The following TUNAR variants were observed in gnomAD, a reference collection of about 807,000 sequenced individuals.
The protein encoded by TUNAR is protein TUNAR.
intron 2 of TUNAR, among the ~76,000 whole-genome samples, chr14:95,881,695 C>T (rs1351934334): frequency 6.6e-6 from 1 of 152,160 alleles, no homozygotes; most frequent in Non-Finnish European, 1.5e-5. Flanking sequence ...GGACGGCCTT[C>T]GGAAGGTCAC....
chr14:95,901,929 G>A (rs573818467), intron 2 of TUNAR, among the ~76,000 whole-genome samples: 106 of 152,294 alleles, frequency 7.0e-4, no homozygotes, highest in African/African-American at 2.5e-3. Context: ...ATGCTGTGAT[G>A]GAGCCAGCCA....
At chr14:95,924,918 T>C (rs1209516325) in exon 3 of TUNAR, 1 of 152,264 alleles carries the variant, frequency 6.6e-6, no homozygotes, top group African/African-American at 2.4e-5. Context: ...TCACCCATGC[T>C]ATAGTGTCTG....
In TUNAR at chr14:95,886,501, G is replaced by A. The variant is rs114206100; in HGVS notation, c.12+9324G>A. Among the ~76,000 whole-genome samples the A allele has an allele frequency of 4.6e-3, 705 of 152,356 alleles. 8 individuals carry two copies. The highest frequency in any genetic ancestry group is 0.016 in the African/African-American group (685 of 41,586). On this transcript the variant is annotated intron_variant, in intron 2 of 2. Coordinates refer to ENST00000678517, the Ensembl canonical transcript of TUNAR. ...GTGGGCAAATTCTTAGCTGTTTTCTGTGGAGTCTGGGCCTGGCAGAGAGCC... is the reference window on the plus strand; with the variant it reads ...GTGGGCAAATTCTTAGCTGTTTTCTATGGAGTCTGGGCCTGGCAGAGAGCC...
At chr14:95,907,631 AG>A (rs1214406120) in intron 2 of TUNAR, among the ~76,000 whole-genome samples, 4 of 152,184 alleles carry the variant, frequency 2.6e-5, no homozygotes, top group African/African-American at 4.8e-5. Flanking sequence ...GTGTTACAAC[AG>A]CTCAGAGGAG....
chr14:95,898,427 A>C (rs553349410), intron 2 of TUNAR, among the ~76,000 whole-genome samples: 81 of 152,334 alleles, frequency 5.3e-4, no homozygotes, highest in Non-Finnish European at 1.1e-3. Flanking sequence ...CACGTCCTTC[A>C]GCTCTGGGAG....
At chr14:95,911,032 A>G (rs1244338800) in intron 2 of TUNAR, among the ~76,000 whole-genome samples, 2 of 152,234 alleles carry the variant, frequency 1.3e-5, no homozygotes, top group Non-Finnish European at 1.5e-5. Flanking sequence ...TACATAGTGT[A>G]TATGTGTGAT....
intron 2 of TUNAR, among the ~76,000 whole-genome samples, chr14:95,911,689 A>G (rs1390108393): frequency 6.6e-6 from 1 of 152,228 alleles, no homozygotes; most frequent in Admixed American, 6.5e-5. Context: ...ACTCAGAATT[A>G]CAGTTGAGCC....
chr14:95,922,783 T>C (rs923182099), exon 3 of TUNAR: 7 of 398,918 alleles, frequency 1.8e-5, no homozygotes, highest in Non-Finnish European at 3.1e-5. Flanking sequence ...AATTACAGGT[T>C]AGCCTGGCAA....
intron 2 of TUNAR, among the ~76,000 whole-genome samples, chr14:95,922,246 A>AC (rs1889709669): frequency 6.6e-6 from 1 of 152,016 alleles, no homozygotes; most frequent in Non-Finnish European, 1.5e-5. Context: ...CCGTGCATAG[A>AC]CCCTTTACCA....
At chr14:95,911,146 G>A (rs1000791540) in intron 2 of TUNAR, among the ~76,000 whole-genome samples, 6 of 152,128 alleles carry the variant, frequency 3.9e-5, no homozygotes, top group East Asian at 1.9e-4. Flanking sequence ...TCTAGTCCCC[G>A]CTTCCCCCTC....
chr14:95,879,982 C>T (rs1888953499), intron 2 of TUNAR, among the ~76,000 whole-genome samples: 1 of 152,172 alleles, frequency 6.6e-6, no homozygotes, highest in Non-Finnish European at 1.5e-5. Flanking sequence ...TGAGGATGCA[C>T]ACCTGGACTG....
chr14:95,914,746 C>G (rs941788127), intron 2 of TUNAR, among the ~76,000 whole-genome samples: 1 of 152,192 alleles, frequency 6.6e-6, no homozygotes, highest in Admixed American at 6.5e-5. Context: ...GAACTAATGT[C>G]TTTAATCCTA....
At chr14:95,912,597 A>G (rs1286379944) in intron 2 of TUNAR, among the ~76,000 whole-genome samples, 1 of 152,208 alleles carries the variant, frequency 6.6e-6, no homozygotes, top group Non-Finnish European at 1.5e-5. Flanking sequence ...ATAATGCTGT[A>G]TTAACTTTTC....
At chr14:95,889,704 G>A (rs567154333) in intron 2 of TUNAR, among the ~76,000 whole-genome samples, 3 of 152,168 alleles carry the variant, frequency 2.0e-5, no homozygotes, top group East Asian at 1.9e-4. Context: ...GTAAGCCCAC[G>A]GAGCCGTCAC....
intron 2 of TUNAR, among the ~76,000 whole-genome samples, chr14:95,883,863 C>G (rs532032312): frequency 3.8e-4 from 58 of 152,302 alleles, no homozygotes; most frequent in African/African-American, 1.3e-3. Flanking sequence ...GTGGACCTTG[C>G]TGCAGACTTG....
intron 2 of TUNAR, among the ~76,000 whole-genome samples, chr14:95,886,513 C>A (rs911077729): frequency 6.6e-6 from 1 of 152,210 alleles, no homozygotes; most frequent in Non-Finnish European, 1.5e-5. Flanking sequence ...GGAGTCTGGG[C>A]CTGGCAGAGA....
intron 2 of TUNAR, among the ~76,000 whole-genome samples, chr14:95,894,455 C>A (rs1889227113): frequency 6.6e-6 from 1 of 152,154 alleles, no homozygotes; most frequent in African/African-American, 2.4e-5. Context: ...GCCACACTAG[C>A]AGGAGGAGGG....
At chr14:95,923,553 G>A (rs953035529) in exon 3 of TUNAR, 2 of 152,096 alleles carry the variant, frequency 1.3e-5, no homozygotes, top group Non-Finnish European at 2.9e-5. Flanking sequence ...TTTAATAAAT[G>A]TGCTCTATTT....
rs185110900 is a variant in TUNAR, at chr14:95,905,362, A to G, written c.13-17419A>G. On this transcript the variant is annotated intron_variant, in intron 2 of 2. Coordinates refer to ENST00000678517, the Ensembl canonical transcript of TUNAR. ...TGCCATGTCTCCTTATTCCCCTCCA[A>G]TCTGGGGCAGTTCTTCAGTCTTTCT... Among the ~76,000 whole-genome samples the G allele has an allele frequency of 7.3e-3, 1,104 of 152,182 alleles. 11 individuals are homozygous for G. The highest frequency in any genetic ancestry group is 7.2e-3 in the Non-Finnish European group (489 of 67,992).
Sources: gnomAD v4.1 joint callset for allele counts (sites outside exome capture counted in the v4.1 genomes callset) on GRCh38, gnomAD v4.1.1 for gene constraint, MANE v1.5 for transcripts, NCBI Gene and HGNC (gene_info 2026-07-23, HGNC 2026-07-21) for gene names.